TMPRSS11F: variants seen among roughly 807,000 people sequenced by gnomAD.
TMPRSS11F encodes transmembrane serine protease 11F, also known as transmembrane protease serine 11F.
In TMPRSS11F, 47 loss-of-function variants were observed where a neutral mutation model predicts 60.2. The ratio of observed to expected loss-of-function variants is 0.78; its 90% confidence interval spans 0.62 to 1.00. The LOEUF is 1.00. Among genes scored for constraint, TMPRSS11F ranks in the 50% least tolerant of loss-of-function variants. TMPRSS11F has a pLI of 0.00. For synonymous variants in TMPRSS11F, 166 were observed against 167.3 expected, an observed-to-expected ratio of 0.99 and a Z score of 0.06; for missense variants, 519 against 522.9, an observed-to-expected ratio of 0.99 and a Z score of 0.07.
At chr4:68,105,498 C>T (rs1296398401) in intron 1 of TMPRSS11F, among the ~76,000 whole-genome samples, 1 of 152,138 alleles carries the variant, frequency 6.6e-6, no homozygotes, top group Non-Finnish European at 1.5e-5. Flanking sequence ...TCGATCTCCT[C>T]ATCTGTAAAA....
intron 3 of TMPRSS11F, among the ~76,000 whole-genome samples, chr4:68,086,675 A>G (rs1723821254): frequency 6.6e-6 from 1 of 152,154 alleles, no homozygotes; most frequent in African/African-American, 2.4e-5. Context: ...ATCAGAAATG[A>G]CAAAGTTGAC....
chr4:68,071,700 A>G (rs1389936997), intron 5 of TMPRSS11F, among the ~76,000 whole-genome samples: 1 of 152,146 alleles, frequency 6.6e-6, no homozygotes, highest in Non-Finnish European at 1.5e-5. Flanking sequence ...AACTTTTTGA[A>G]CTTCCTTTTC....
rs184334405 is a variant in TMPRSS11F, at chr4:68,110,099, C to T, written c.12-11061G>A. 1.9e-4 allele frequency among the ~76,000 whole-genome samples: 29 copies of T among 152,204 alleles called. 1 individual carries two copies. The East Asian group carries it at 4.1e-3, about 21-fold the overall frequency. ...AAGCATAGATACACATTAGATATTC[C>T]GTTTGGGCACAGTCCTCTCTACTTC... On this transcript the variant is annotated intron_variant, in intron 1 of 9. Coordinates refer to ENST00000356291, the MANE Select transcript of TMPRSS11F (RefSeq NM_207407.2).
At chr4:68,082,845 TC>T (rs1723735130) in intron 3 of TMPRSS11F, among the ~76,000 whole-genome samples, 1 of 152,154 alleles carries the variant, frequency 6.6e-6, no homozygotes, top group Non-Finnish European at 1.5e-5. Flanking sequence ...ACAGGGATAA[TC>T]CAGAAAGAGT....
At chr4:68,107,931 G>C (rs1303589391) in intron 1 of TMPRSS11F, among the ~76,000 whole-genome samples, 1 of 152,090 alleles carries the variant, frequency 6.6e-6, no homozygotes, top group African/African-American at 2.4e-5. Context: ...GTGAGACTCT[G>C]TCTCAAATTT....
At chr4:68,124,557 A>G (rs145983959) in intron 1 of TMPRSS11F, among the ~76,000 whole-genome samples, 29 of 152,306 alleles carry the variant, frequency 1.9e-4, no homozygotes, top group African/African-American at 7.0e-4. Flanking sequence ...TTATTGATTC[A>G]TTGATTCTTT....
intron 1 of TMPRSS11F, among the ~76,000 whole-genome samples, chr4:68,102,149 G>C (rs1273704775): frequency 1.3e-5 from 2 of 152,152 alleles, no homozygotes; most frequent in Non-Finnish European, 2.9e-5. Flanking sequence ...GCAAATGGCA[G>C]GATCTTGGTT....
chr4:68,095,291 T>C (rs1158886915), intron 2 of TMPRSS11F, among the ~76,000 whole-genome samples: 4 of 152,160 alleles, frequency 2.6e-5, no homozygotes, highest in South Asian at 2.1e-4. Context: ...AATGAATATA[T>C]ATATCCAGAG....
At position 68,074,015 on chromosome 4, in the gene TMPRSS11F, T is replaced by C. The variant is rs760157372; in HGVS notation, c.283-6A>G. The C allele has an allele frequency of 3.3e-6, 5 of 1,525,724 alleles. No homozygotes were observed. The South Asian group carries it at 6.3e-5, about 19-fold the overall frequency. The allele number at this position is 1,525,724 out of a possible 1,614,324, so 94.5% of individuals were successfully genotyped here. A position where few individuals can be genotyped will look rare whatever the true frequency, so the allele number is the denominator to read the frequency against. On this transcript the variant is annotated splice_polypyrimidine_tract_variant and splice_region_variant and intron_variant, in intron 3 of 9. Transcript: ENST00000356291. ...TGTCGAAATATCCTAGACATCTGATTTTTAAAAAATAAGTATTAGTCTTCA... is the reference window on the plus strand; with the variant it reads ...TGTCGAAATATCCTAGACATCTGATCTTTAAAAAATAAGTATTAGTCTTCA...
chr4:68,098,438 C>T (rs1417824453), intron 2 of TMPRSS11F, among the ~76,000 whole-genome samples: 1 of 152,196 alleles, frequency 6.6e-6, no homozygotes, highest in African/African-American at 2.4e-5. Flanking sequence ...GCTTTTCCTT[C>T]TTCCCACAGT....
intron 3 of TMPRSS11F, chr4:68,080,313 T>C (rs1723665407): frequency 6.6e-6 from 1 of 152,256 alleles, no homozygotes; most frequent in African/African-American, 2.4e-5. Flanking sequence ...TTTCCTTCTT[T>C]CTTATGAAAT....
At chr4:68,072,199 T>TCA (rs137878833) in intron 5 of TMPRSS11F, 124 bp downstream of exon 5, 1 of 91,132 alleles carries the variant, frequency 1.1e-5, no homozygotes, top group Non-Finnish European at 2.2e-5. Context: ...TGCTGAGATT[T>TCA]TATATATATA....
chr4:68,086,094 G>A (rs1242546706), intron 3 of TMPRSS11F, among the ~76,000 whole-genome samples: 3 of 152,026 alleles, frequency 2.0e-5, no homozygotes, highest in African/African-American at 7.2e-5. Context: ...TCATCTGCAT[G>A]TGGAATATAC....
chr4:68,111,989 T>C (rs996234172), intron 1 of TMPRSS11F, among the ~76,000 whole-genome samples: 5 of 152,094 alleles, frequency 3.3e-5, no homozygotes, highest in African/African-American at 1.2e-4. Context: ...CACAATGGAG[T>C]CTTAGCCTTT....
intron 1 of TMPRSS11F, among the ~76,000 whole-genome samples, chr4:68,115,546 T>C (rs1226512921): frequency 6.6e-6 from 1 of 151,924 alleles, no homozygotes; most frequent in African/African-American, 2.4e-5. Context: ...GCCACTGCAA[T>C]AAAGCAAGAA....
Position 68,064,699 on chromosome 4 carries a change from G to A in TMPRSS11F, c.1001C>T (p.Ser334Phe), listed in dbSNP as rs1723283598. The A allele has an allele frequency of 6.2e-7, 1 of 1,613,778 alleles. No homozygotes were observed. Among genetic ancestry groups the A allele is most frequent in the Non-Finnish European group, 8.5e-7 (1 of 1,179,960 alleles). ...AAACTGCTCACCATCATCTACAATG[G>A]ATCCAAATCCTGTGACGAACACACT... ...KTSVFVTGFG[S>F]IVDDGPIQNT... Residue 334 changes from serine (S) to phenylalanine (F), a missense_variant, in exon 8 of 10, where the codon TCC becomes TTC. Coordinates refer to ENST00000356291, the MANE Select transcript of TMPRSS11F (RefSeq NM_207407.2).
In TMPRSS11F at chr4:68,059,734, T is replaced by A. The variant is rs560521851; in HGVS notation, c.1016-266A>T. 3.9e-5 allele frequency among the ~76,000 whole-genome samples: 6 copies of A among 152,308 alleles called. No individual in the cohort carries two copies. In the South Asian group the frequency reaches 1.2e-3, roughly 32 times the overall value. On this transcript the variant is annotated intron_variant, in intron 8 of 9. Coordinates refer to ENST00000356291, the MANE Select transcript of TMPRSS11F (RefSeq NM_207407.2). Reference sequence around the variant, plus strand: ...TACTACATACGCATGCATTTTTTCATGAGGAGAGGGTCCATAGTCCTCATT... The same window carrying A: ...TACTACATACGCATGCATTTTTTCAAGAGGAGAGGGTCCATAGTCCTCATT...
chr4:68,064,624 A>G, intron 8 of TMPRSS11F, 61 bp downstream of exon 8: 18 of 1,555,892 alleles, frequency 1.2e-5, no homozygotes, highest in Non-Finnish European at 1.6e-5. Flanking sequence ...TCTTTAAGAT[A>G]GATAGCTCGT....
At chr4:68,055,861 G>A (rs1029180273) in intron 9 of TMPRSS11F, among the ~76,000 whole-genome samples, 5 of 152,090 alleles carry the variant, frequency 3.3e-5, no homozygotes, top group Admixed American at 6.5e-5. Context: ...ATTATCAAGT[G>A]GGATTTATCC....
Sources: allele counts gnomAD v4.1 joint callset (sites outside exome capture counted in the v4.1 genomes callset), GRCh38; gene constraint gnomAD v4.1.1; transcripts MANE v1.5; gene names NCBI Gene and HGNC (gene_info 2026-07-23, HGNC 2026-07-21).